TAOK1: variants seen among roughly 807,000 people sequenced by gnomAD.
TAOK1 encodes the protein serine/threonine-protein kinase TAO1.
A neutral mutation model predicts 138.3 loss-of-function variants in TAOK1; 21 were observed. The ratio of observed to expected loss-of-function variants is 0.15; its 90% CI spans 0.11 to 0.22. The LOEUF (loss-of-function observed/expected upper bound fraction) is 0.22, where lower values mean the gene tolerates loss of function less well. TAOK1 is among the 10% of genes least tolerant of loss of function. TAOK1 has a pLI of 1.00. For missense variants in TAOK1, 651 were observed against 1,227.7 expected, an observed-to-expected ratio of 0.53 and a Z score of 7.02; for synonymous variants, 361 against 398.4, an observed-to-expected ratio of 0.91 and a Z score of 1.12.
chr17:29,523,103 A>G (rs2031948664), intron 17 of TAOK1, among the ~76,000 whole-genome samples: 1 of 151,708 alleles, frequency 6.6e-6, no homozygotes, highest in Non-Finnish European at 1.5e-5. Flanking sequence ...AATGTACTCA[A>G]ATGTCCAAGG....
chr17:29,487,509 G>A (rs976023353), intron 8 of TAOK1, among the ~76,000 whole-genome samples: 5 of 152,120 alleles, frequency 3.3e-5, no homozygotes, highest in African/African-American at 1.2e-4. Flanking sequence ...CCCAGTAGCA[G>A]TAAGCACACC....
chr17:29,416,632 T>C (rs1362625231), intron 1 of TAOK1, among the ~76,000 whole-genome samples: 1 of 152,180 alleles, frequency 6.6e-6, no homozygotes. Flanking sequence ...GCCGAAACTA[T>C]GTATTTGCCA....
At chr17:29,422,489 A>G (rs964069959) in intron 1 of TAOK1, among the ~76,000 whole-genome samples, 1 of 152,082 alleles carries the variant, frequency 6.6e-6, no homozygotes, top group African/African-American at 2.4e-5. Flanking sequence ...AAGTGCTGGC[A>G]TTACAGGCGT....
intron 7 of TAOK1, among the ~76,000 whole-genome samples, chr17:29,481,067 A>T (rs76274570): frequency 0.044 from 6,767 of 152,134 alleles, 224 homozygotes; most frequent in Non-Finnish European, 0.072. Context: ...ACAAACTATG[A>T]TTATTCAGTC....
chr17:29,399,604 T>C (rs1051673539), intron 1 of TAOK1, among the ~76,000 whole-genome samples: 3 of 152,200 alleles, frequency 2.0e-5, no homozygotes, highest in Non-Finnish European at 2.9e-5. Flanking sequence ...CGTGAGCCAC[T>C]GCGCCTGGTG....
intron 1 of TAOK1, among the ~76,000 whole-genome samples, chr17:29,396,847 C>T (rs1904618563): frequency 6.6e-6 from 1 of 151,848 alleles, no homozygotes; most frequent in South Asian, 2.1e-4. Context: ...AAAAAATTAG[C>T]TGGGCGTGGT....
chr17:29,513,267 G>A (rs537534421), intron 15 of TAOK1: 9 of 152,090 alleles, frequency 5.9e-5, no homozygotes, highest in Non-Finnish European at 1.2e-4. Flanking sequence ...ACCTTGCCAC[G>A]TGAGCTTCAC....
intron 19 of TAOK1, among the ~76,000 whole-genome samples, chr17:29,540,824 C>T (rs1223895272): frequency 6.6e-6 from 1 of 151,980 alleles, no homozygotes; most frequent in Non-Finnish European, 1.5e-5. Context: ...CCTGCCTCAG[C>T]CTCCCAAAGT....
chr17:29,530,962 A>ATTTTT (rs66788063), intron 18 of TAOK1, among the ~76,000 whole-genome samples: 8 of 96,174 alleles, frequency 8.3e-5, no homozygotes, highest in African/African-American at 2.6e-4. Flanking sequence ...ACAAGTACAA[A>ATTTTT]TTTTTTTTTT....
intron 1 of TAOK1, among the ~76,000 whole-genome samples, chr17:29,401,757 C>G (rs1261334837): frequency 6.6e-6 from 1 of 151,852 alleles, no homozygotes; most frequent in Non-Finnish European, 1.5e-5. Flanking sequence ...TGGGCTCAAG[C>G]AATCCTCCCA....
intron 17 of TAOK1, among the ~76,000 whole-genome samples, chr17:29,529,940 T>C (rs150856338): frequency 0.037 from 5,604 of 151,780 alleles, 368 homozygotes; most frequent in African/African-American, 0.13. Flanking sequence ...GGTGGGACGA[T>C]TGCTTGAGCA....
intron 1 of TAOK1, among the ~76,000 whole-genome samples, chr17:29,447,955 C>CTTTT (rs56163080): frequency 2.1e-4 from 20 of 93,238 alleles, no homozygotes; most frequent in East Asian, 7.4e-4. Context: ...TGCACCTGGT[C>CTTTT]TTTTTTTTTT....
Position 29,547,239 on chromosome 17 carries a change from T to C in TAOK1, c.*4217T>C, listed in dbSNP as rs528170201. On this transcript the variant is annotated 3_prime_UTR_variant, in exon 20 of 20. Coordinates refer to ENST00000261716, the MANE Select transcript of TAOK1 (RefSeq NM_020791.4). ...TTTACTCCATTAATACTAATAATTA[T>C]ATACTTTGCTGAGGATCAAAACAGC... The C allele has an allele frequency of 7.2e-5, 11 of 152,268 alleles. No homozygotes were observed. In the South Asian group the frequency reaches 2.3e-3, roughly 32 times the overall value. The allele number at this position is 152,268 out of a possible 1,614,324, so 9.4% of individuals were successfully genotyped here.
At position 29,517,606 on chromosome 17, in the gene TAOK1, A is replaced by G; in HGVS notation, c.1858A>G (p.Arg620Gly). Residue 620 changes from arginine to glycine, a missense_variant, in exon 16 of 20, where the codon AGA becomes GGA. Arg to Gly is a moderately radical substitution (Grantham distance 125, BLOSUM62 -2). This residue lies in a region of TAOK1 where 258 missense variants were observed against 548.9 expected (regional missense o/e 0.47). Transcript: ENST00000261716. ...AGAGCTGGAATGCCGTCGCTTCAAGAGAAGAATGTTACTTGGGCGTCATAA... is the reference window on the plus strand; with the variant it reads ...AGAGCTGGAATGCCGTCGCTTCAAGGGAAGAATGTTACTTGGGCGTCATAA... ...YLELECRRFK[R>G]RMLLGRHNLE... 6.2e-7 allele frequency: 1 copy of G among 1,613,474 alleles called. No homozygotes were observed. The highest frequency in any genetic ancestry group is 8.5e-7 in the Non-Finnish European group (1 of 1,180,016).
At chr17:29,528,620 G>T (rs1223154069) in intron 17 of TAOK1, among the ~76,000 whole-genome samples, 3 of 151,842 alleles carry the variant, frequency 2.0e-5, no homozygotes, top group Admixed American at 6.6e-5. Context: ...TGGGCGGTTT[G>T]CCTGAGGTCA....
intron 19 of TAOK1, 117 bp from the exon 20 acceptor site, chr17:29,542,444 C>T (rs1029251323): frequency 3.6e-6 from 3 of 826,938 alleles, no homozygotes; most frequent in Non-Finnish European, 5.2e-6. Flanking sequence ...ATTTGAAACT[C>T]ATGGACAAAT....
chr17:29,492,806 AT>A (rs979404379), intron 10 of TAOK1, among the ~76,000 whole-genome samples: 5 of 152,034 alleles, frequency 3.3e-5, no homozygotes, highest in Non-Finnish European at 5.9e-5. Flanking sequence ...AAAATAAAAA[AT>A]AAATAAATAT....
In TAOK1 at chr17:29,542,614, C is replaced by G; in HGVS notation, c.2598C>G (p.Ser866Arg). The change falls in exon 20 of 20, where the codon AGC becomes AGG. Residue 866 changes from serine (S) to arginine (R), a missense_variant. Ser to Arg is a moderately radical substitution (Grantham distance 110, BLOSUM62 -1). Around this residue, in one of 8 missense-constraint regions of TAOK1, gnomAD observed 258 missense variants for 548.9 expected, o/e 0.47. Transcript: ENST00000261716. ...ATGAGCGCACAGAACGAATACGAAG[C>G]CTGTTGGAACGTCAAGCCAGAGAGA... Reference protein sequence around the residue: ...LQNERTERIRSLLERQAREIE... With the variant: ...LQNERTERIRRLLERQAREIE... The G allele has an allele frequency of 6.2e-7, 1 of 1,614,026 alleles. No homozygotes were observed.
chr17:29,466,022 T>C (rs1357389317), intron 2 of TAOK1, among the ~76,000 whole-genome samples: 2 of 152,160 alleles, frequency 1.3e-5, no homozygotes, highest in Non-Finnish European at 2.9e-5. Flanking sequence ...TACAATTGAA[T>C]ACATTTAGCG....
Sources: allele counts gnomAD v4.1 joint callset (sites outside exome capture counted in the v4.1 genomes callset), GRCh38; gene constraint gnomAD v4.1.1; regional missense constraint gnomAD v4.1.1; transcripts MANE v1.5; gene names NCBI Gene and HGNC (gene_info 2026-07-23, HGNC 2026-07-21).